RIGI: variants seen among roughly 807,000 people sequenced by gnomAD.
The protein encoded by RIGI is RNA sensor RIG-I, also known as antiviral innate immune response receptor RIG-I.
chr9:32,460,436 ATAT>A, the RIGI span, among the ~76,000 whole-genome samples: 1 of 152,178 alleles, frequency 6.6e-6, no homozygotes, highest in East Asian at 1.9e-4. Flanking sequence ...CATGGACATG[ATAT>A]TATAAAACTC....
chr9:32,506,779 T>G, the RIGI span, among the ~76,000 whole-genome samples: 13 of 152,332 alleles, frequency 8.5e-5, no homozygotes, highest in East Asian at 2.5e-3. Context: ...GTTTTTGTTC[T>G]TTATTTTGGC....
the RIGI span, chr9:32,492,620 A>G: frequency 6.6e-7 from 1 of 1,514,802 alleles, no homozygotes; most frequent in Admixed American, 1.7e-5. Context: ...AATGTCAGTC[A>G]TGTACTATCT....
the RIGI span, among the ~76,000 whole-genome samples, chr9:32,462,670 A>C: frequency 6.6e-6 from 1 of 151,912 alleles, no homozygotes; most frequent in African/African-American, 2.4e-5. Flanking sequence ...CAGCCTCCCA[A>C]AGTGCTGGCA....
At chr9:32,491,266 C>G in the RIGI span, 7 of 1,607,850 alleles carry the variant, frequency 4.4e-6, no homozygotes, top group Non-Finnish European at 5.9e-6. Flanking sequence ...ACCAGAAGAG[C>G]ACCATTATGG....
chr9:32,499,311 G>GTTTTTTTTTTTTTTTTT, the RIGI span, among the ~76,000 whole-genome samples: 56 of 81,120 alleles, frequency 6.9e-4, no homozygotes, highest in Non-Finnish European at 8.9e-4. Flanking sequence ...CAGAGTTTGT[G>GTTTTTTTTTTTTTTTTT]ATTTGTTTTT....
chr9:32,526,018 C>T, the RIGI span: 12 of 1,440,798 alleles, frequency 8.3e-6, no homozygotes, highest in Admixed American at 5.0e-5. Flanking sequence ...AAAACAAGTC[C>T]TCAATTGTTT....
the RIGI span, among the ~76,000 whole-genome samples, chr9:32,521,344 G>T: frequency 6.6e-6 from 1 of 151,994 alleles, no homozygotes; most frequent in Non-Finnish European, 1.5e-5. Flanking sequence ...GAACTGTGGG[G>T]GGAAGAAAAG....
the RIGI span, chr9:32,487,549 A>C: frequency 6.2e-7 from 1 of 1,614,156 alleles, no homozygotes; most frequent in Non-Finnish European, 8.5e-7. Context: ...GCATCAAGAG[A>C]AGCACACAGC....
At chr9:32,489,319 A>G in the RIGI span, 1 of 1,518,296 alleles carries the variant, frequency 6.6e-7, no homozygotes, top group Non-Finnish European at 9.1e-7. Context: ...CAGAAAAACT[A>G]TGTAAGTAAT....
chr9:32,457,009 T>TA, the RIGI span: 14 of 802,256 alleles, frequency 1.7e-5, no homozygotes, highest in East Asian at 3.4e-4. Flanking sequence ...AAGATATTTT[T>TA]AAAAAATATA....
At chr9:32,477,495 A>G in the RIGI span, among the ~76,000 whole-genome samples, 1 of 152,240 alleles carries the variant, frequency 6.6e-6, no homozygotes, top group South Asian at 2.1e-4. Context: ...ATCATGGGCT[A>G]TGCATCTGAT....
At chr9:32,516,097 CT>C in the RIGI span, among the ~76,000 whole-genome samples, 1 of 152,190 alleles carries the variant, frequency 6.6e-6, no homozygotes, top group Non-Finnish European at 1.5e-5. Context: ...GAGATCCTTT[CT>C]CAGGCAAAAG....
the RIGI span, among the ~76,000 whole-genome samples, chr9:32,468,804 A>G: frequency 6.6e-6 from 1 of 152,152 alleles, no homozygotes; most frequent in Non-Finnish European, 1.5e-5. Context: ...CTGCCTCCCC[A>G]TACACAAACT....
chr9:32,497,921 A>G, the RIGI span, among the ~76,000 whole-genome samples: 2 of 152,248 alleles, frequency 1.3e-5, no homozygotes, highest in Admixed American at 6.5e-5. Context: ...ATGAAAATTA[A>G]AAGTACTGTT....
chr9:32,474,904 A>G, the RIGI span, among the ~76,000 whole-genome samples: 1 of 152,124 alleles, frequency 6.6e-6, no homozygotes, highest in Non-Finnish European at 1.5e-5. Context: ...AGAACACTCA[A>G]TATTGTCAAG....
the RIGI span, chr9:32,481,597 T>C: frequency 7.6e-6 from 7 of 925,564 alleles, no homozygotes; most frequent in Admixed American, 1.2e-4. Context: ...TCTTTTTTTT[T>C]TTCCTCGAGG....
the RIGI span, among the ~76,000 whole-genome samples, chr9:32,507,061 A>G: frequency 1.3e-5 from 2 of 152,152 alleles, no homozygotes; most frequent in African/African-American, 4.8e-5. Flanking sequence ...ATTTTTTTAA[A>G]CCTATGATTA....
the RIGI span, chr9:32,457,521 C>G: frequency 1.0e-6 from 1 of 990,490 alleles, no homozygotes. Context: ...TAATCTGAGG[C>G]AAAGAACAGG....
chr9:32,515,746 G>A, the RIGI span, among the ~76,000 whole-genome samples: 2 of 152,136 alleles, frequency 1.3e-5, no homozygotes, highest in Non-Finnish European at 2.9e-5. Context: ...TAGTCCTGTG[G>A]GTGGCCCCAA....
Sources: gnomAD v4.1 joint callset for allele counts (sites outside exome capture counted in the v4.1 genomes callset) on GRCh38, gnomAD v4.1.1 for gene constraint, MANE v1.5 for transcripts, NCBI Gene and HGNC (gene_info 2026-07-23, HGNC 2026-07-21) for gene names.